The following PREX1 variants were observed in gnomAD, a reference collection of about 807,000 sequenced individuals.
PREX1 encodes phosphatidylinositol 3,4,5-trisphosphate-dependent Rac exchanger 1 protein.
In PREX1, 41 loss-of-function variants were observed where a neutral mutation model predicts 198.3. That is an observed-to-expected ratio of 0.21 (90% CI 0.16 to 0.27). The LOEUF is 0.27. Among genes scored for constraint, PREX1 ranks in the 10% least tolerant of loss-of-function variants. The pLI, the probability that PREX1 is intolerant of heterozygous loss-of-function variation, is 1.00. For missense variants in PREX1, 1,620 were observed against 2,200.7 expected (o/e 0.74, Z 5.28); for synonymous variants, 843 against 887.2 (o/e 0.95, Z 0.89).
At chr20:48,749,660 A>C (rs1287958121) in intron 1 of PREX1, among the ~76,000 whole-genome samples, 1 of 152,182 alleles carries the variant, frequency 6.6e-6, no homozygotes, top group Non-Finnish European at 1.5e-5. Flanking sequence ...GAGGGGGCGC[A>C]ATGACAGTCC....
In PREX1 at chr20:48,659,930, T is replaced by C; in HGVS notation, c.1870A>G (p.Lys624Glu). 6.2e-7 allele frequency: 1 copy of C among 1,614,220 alleles called. No homozygotes were observed. Among genetic ancestry groups the C allele is most frequent in the Non-Finnish European group, 8.5e-7 (1 of 1,180,046 alleles). ...DFKLVENILA[K>E]RLLILPQEED... Reference sequence around the variant, plus strand: ...AGCTGTGCTCCTACCAGCAGGCGCTTGGCCAGAATGTTCTCCACCAGCTTG... The same window carrying C: ...AGCTGTGCTCCTACCAGCAGGCGCTCGGCCAGAATGTTCTCCACCAGCTTG... Residue 624 changes from lysine (K) to glutamate (E), a missense_variant, in exon 16 of 40, where the codon AAG (lysine) becomes GAG (glutamate). This residue lies in a region of PREX1 where 488 missense variants were observed against 802.5 expected (regional missense o/e 0.61). Transcript: ENST00000371941.
At chr20:48,657,004 G>T in intron 18 of PREX1, 36 bp downstream of exon 18, 1 of 1,554,104 alleles carries the variant, frequency 6.4e-7, no homozygotes, top group South Asian at 1.2e-5. Flanking sequence ...AGCCTGAGAG[G>T]GAGGGCTGCC....
intron 1 of PREX1, among the ~76,000 whole-genome samples, chr20:48,749,445 G>C (rs573059360): frequency 6.6e-6 from 1 of 152,174 alleles, no homozygotes; most frequent in Admixed American, 6.5e-5. Context: ...ATCCCACCAC[G>C]CTTGTCTAGG....
At chr20:48,650,748 G>T in intron 23 of PREX1, 146 bp downstream of exon 23, 1 of 1,089,928 alleles carries the variant, frequency 9.2e-7, no homozygotes, top group Non-Finnish European at 1.3e-6. Flanking sequence ...GTTCACCTCC[G>T]TCCTTTTCAG....
chr20:48,857,974 C>A, the PREX1 span, among the ~76,000 whole-genome samples: 42 of 152,274 alleles, frequency 2.8e-4, no homozygotes, highest in Middle Eastern at 0.01. Context: ...CTTGGAGCAG[C>A]AAAAAGGAAA....
rs1047816649 is a variant in PREX1 at position 48,700,889 on chromosome 20, G to A, written c.784-3C>T. ...CAGATGTCTGTGAGGTTGGAACCCT[G>A]GAAGCGCAATGAGGACACAGTGAAT... is the stretch of plus-strand genomic sequence containing the variant. On this transcript the variant is annotated splice_polypyrimidine_tract_variant and splice_region_variant and intron_variant, in intron 6 of 39. Transcript: ENST00000371941. 6.2e-7 allele frequency: 1 copy of A among 1,614,102 alleles called. No homozygotes were observed. Among genetic ancestry groups the A allele is most frequent in the Non-Finnish European group, 8.5e-7 (1 of 1,179,988 alleles).
intron 12 of PREX1, 91 bp from the exon 13 acceptor site, chr20:48,679,500 C>T (rs539894884): frequency 2.4e-4 from 355 of 1,454,740 alleles, no homozygotes; most frequent in African/African-American, 2.1e-3. Context: ...GCTTCCAGGA[C>T]GGGGCAGGGC....
chr20:48,679,850 CT>C (rs2089737356), intron 11 of PREX1, 96 bp from the exon 12 acceptor site: 1 of 927,680 alleles, frequency 1.1e-6, no homozygotes, highest in Non-Finnish European at 1.7e-6. Flanking sequence ...GCCACGCCCC[CT>C]CTGCCCCTCC....
At chr20:48,803,758 G>A (rs2090397979) in intron 1 of PREX1, among the ~76,000 whole-genome samples, 4 of 152,170 alleles carry the variant, frequency 2.6e-5, no homozygotes. Flanking sequence ...ACCCAGGCGT[G>A]GGCAATCAGA....
rs1320264267 is a variant in PREX1, at chr20:48,676,276, G to A, written c.1590-8C>T. 6.2e-6 allele frequency: 10 copies of A among 1,613,378 alleles called. No individual in the cohort carries two copies. In the South Asian group the frequency reaches 1.1e-4, roughly 18 times the overall value. ...AGGTGGTAATCACGGTCTCTGTGGA[G>A]AAGGTGAGCGCACAGTGAGCAGGGC... On this transcript the variant is annotated splice_polypyrimidine_tract_variant and splice_region_variant and intron_variant, in intron 13 of 39. Coordinates refer to ENST00000371941, the MANE Select transcript of PREX1 (RefSeq NM_020820.4).
At chr20:48,838,993 CAAAAAAAAAAAAA>C in the PREX1 span, among the ~76,000 whole-genome samples, 57 of 23,042 alleles carry the variant, frequency 2.5e-3, no homozygotes, top group Non-Finnish European at 1.5e-3. Context: ...GACTCTGTCT[CAAAAAAAAAAAAA>C]AAAAAAAAAA....
intron 1 of PREX1, among the ~76,000 whole-genome samples, chr20:48,748,166 C>T (rs1042140430): frequency 6.6e-6 from 1 of 152,194 alleles, no homozygotes; most frequent in African/African-American, 2.4e-5. Flanking sequence ...CCCCTGCCTT[C>T]GAGGAACCTT....
intron 33 of PREX1, among the ~76,000 whole-genome samples, chr20:48,634,155 G>C (rs970577300): frequency 8.6e-6 from 1 of 116,654 alleles, no homozygotes; most frequent in Non-Finnish European, 2.0e-5. Context: ...TGGATGGATG[G>C]ATGGATGGAT....
At chr20:48,756,489 C>G (rs1378553034) in intron 1 of PREX1, among the ~76,000 whole-genome samples, 2 of 151,142 alleles carry the variant, frequency 1.3e-5, no homozygotes, top group African/African-American at 4.9e-5. Flanking sequence ...TTTACAAAGT[C>G]AGACTTACTA....
chr20:48,789,628 A>G (rs1405636484), intron 1 of PREX1, among the ~76,000 whole-genome samples: 1 of 152,218 alleles, frequency 6.6e-6, no homozygotes, highest in Non-Finnish European at 1.5e-5. Context: ...ATGAGTAACT[A>G]TGGCTATCAT....
chr20:48,642,599 G>A (rs1315645398), intron 27 of PREX1, 110 bp from the exon 28 acceptor site: 10 of 970,386 alleles, frequency 1.0e-5, no homozygotes, highest in Admixed American at 8.3e-5. Context: ...ACCCACAAGG[G>A]ATGTGGAGTC....
chr20:48,651,117 A>G, intron 22 of PREX1, 62 bp from the exon 23 acceptor site: 1 of 1,575,524 alleles, frequency 6.3e-7, no homozygotes, highest in African/African-American at 1.3e-5. Context: ...TAAGCGGTTC[A>G]CCCACAGTGA....
Position 48,650,187 on chromosome 20 carries a change from C to T in PREX1, c.2837G>A (p.Ser946Asn). ...CYQEFAAQLKSRVSPPFKQAP... is the reference protein window; with the variant it reads ...CYQEFAAQLKNRVSPPFKQAP... ...TTGTTTGAAGGGTGGGCTGACCCTG[C>T]TCTTCAGTTGGGCTGCAAACTGAGA... The change falls in exon 24 of 40, where the codon AGC becomes AAC. Residue 946 changes from serine (S) to asparagine (N), a missense_variant. By Grantham distance (46) the Ser-to-Asn change is conservative. Around this residue, in one of 7 missense-constraint regions of PREX1, gnomAD observed 514 missense variants for 611.6 expected, o/e 0.84. Coordinates refer to ENST00000371941, the MANE Select transcript of PREX1 (RefSeq NM_020820.4). 6.2e-7 allele frequency: 1 copy of T among 1,613,108 alleles called. No homozygotes were observed. Among genetic ancestry groups the T allele is most frequent in the African/African-American group, 1.3e-5 (1 of 75,030 alleles).
chr20:48,654,885 C>T (rs1371666675), intron 19 of PREX1, among the ~76,000 whole-genome samples: 2 of 152,214 alleles, frequency 1.3e-5, no homozygotes, highest in Middle Eastern at 3.2e-3. Context: ...GGTGGCCTTT[C>T]GGCTGGATCC....
Sources: allele counts gnomAD v4.1 joint callset (sites outside exome capture counted in the v4.1 genomes callset), GRCh38; gene constraint gnomAD v4.1.1; regional missense constraint gnomAD v4.1.1; transcripts MANE v1.5; gene names NCBI Gene and HGNC (gene_info 2026-07-23, HGNC 2026-07-21).